The following BAZ1A variants were observed in gnomAD, a reference collection of about 807,000 sequenced individuals.
BAZ1A encodes the protein bromodomain adjacent to zinc finger domain protein 1A.
Under a neutral mutation model 185.2 loss-of-function variants are expected in BAZ1A, and 50 were observed. The ratio of observed to expected loss-of-function variants is 0.27; its 90% confidence interval spans 0.22 to 0.34. The LOEUF (loss-of-function observed/expected upper bound fraction) is 0.34, where lower values mean the gene tolerates loss of function less well. BAZ1A is among the 10% of genes least tolerant of loss of function. BAZ1A has a pLI of 1.00. For synonymous variants in BAZ1A, 571 were observed against 615.6 expected (o/e 0.93, Z 1.07); for missense variants, 1,356 against 1,839.9 (o/e 0.74, Z 4.81).
intron 3 of BAZ1A, among the ~76,000 whole-genome samples, chr14:34,847,236 T>TAA (rs5807798): frequency 6.2e-4 from 88 of 142,592 alleles, no homozygotes; most frequent in Non-Finnish European, 7.6e-4. Flanking sequence ...AGACTAGTCT[T>TAA]AAAAAAAAAA....
intron 6 of BAZ1A, among the ~76,000 whole-genome samples, chr14:34,803,685 T>C (rs1309005930): frequency 6.6e-6 from 1 of 152,168 alleles, no homozygotes; most frequent in Non-Finnish European, 1.5e-5. Flanking sequence ...ATATTTAACA[T>C]TAAAAATCTA....
rs780944021 is a variant in BAZ1A, at chr14:34,761,961, C to T, written c.4039G>A (p.Val1347Ile). The change falls in exon 24 of 27, where the codon GTA (valine) becomes ATA (isoleucine). Residue 1347 changes from valine to isoleucine, a missense_variant. By Grantham distance (29) the Val-to-Ile change is conservative. This residue lies in a region of BAZ1A where 309 missense variants were observed against 355.3 expected (regional missense o/e 0.87). Coordinates refer to ENST00000360310, the MANE Select transcript of BAZ1A (RefSeq NM_013448.3). ...CGAGGACTAAGCAATTCCACAAATA[C>T]ATCTGCTTGCAGTGGGCCATGACTG... The part of the protein sequence containing the change: ...RHSHGPLQAD[V>I]FVELLSPRRK... 2.5e-6 allele frequency: 4 copies of T among 1,614,210 alleles called. No individual in the cohort carries two copies. The South Asian group carries it at 3.3e-5, about 13-fold the overall frequency.
chr14:34,783,368 C>CA, intron 15 of BAZ1A, 136 bp from the exon 16 acceptor site: 1 of 369,162 alleles, frequency 2.7e-6, no homozygotes, highest in Non-Finnish European at 4.7e-6. Context: ...CATTCATAAG[C>CA]TTTTTTTTTT....
chr14:34,862,419 C>CT (rs2042783330), intron 2 of BAZ1A, 97 bp from the exon 3 acceptor site: 3 of 1,397,080 alleles, frequency 2.1e-6, no homozygotes, highest in Non-Finnish European at 2.8e-6. Context: ...ATTTTTGTGC[C>CT]TTTAATGCAA....
rs949876523 is a variant in BAZ1A, at chr14:34,783,154, ATCT to A, written c.2073_2075del (p.Glu691del). 5.0e-6 allele frequency: 8 copies of A among 1,607,828 alleles called. No individual in the cohort carries two copies. The highest frequency in any genetic ancestry group is 6.0e-6 in the Non-Finnish European group (7 of 1,176,112). ...TATCTGCCGTTGAATTTCTTTGCTCATCTTCTTTCAGTTTTTCTTGTTTCTCTT... is the reference window on the plus strand; with the variant it reads ...TATCTGCCGTTGAATTTCTTTGCTCATCTTTCAGTTTTTCTTGTTTCTCTT... On this transcript the variant is annotated inframe_deletion, in exon 16 of 27. Transcript: ENST00000360310.
intron 11 of BAZ1A, among the ~76,000 whole-genome samples, chr14:34,793,356 CATAA>C (rs1401208788): frequency 1.3e-5 from 2 of 152,176 alleles, no homozygotes; most frequent in Non-Finnish European, 2.9e-5. Context: ...ATGTCTAAGT[CATAA>C]ATAAATGTTT....
intron 5 of BAZ1A, among the ~76,000 whole-genome samples, chr14:34,807,976 G>A (rs1179057270): frequency 3.3e-5 from 5 of 151,748 alleles, no homozygotes; most frequent in South Asian, 2.1e-4. Flanking sequence ...GTGGTGGCGC[G>A]TGCCTGTAGT....
chr14:34,776,115 A>G lies in BAZ1A; in HGVS notation c.2637T>C (p.Ser879=). 6.2e-7 allele frequency: 1 copy of G among 1,614,264 alleles called. No individual in the cohort carries two copies. Among genetic ancestry groups the G allele is most frequent in the African/African-American group, 1.3e-5 (1 of 75,074 alleles). The change falls in exon 18 of 27, where the codon TCT becomes TCC. Residue 879 remains serine (S), a synonymous_variant. Transcript: ENST00000360310. ...TATGCACTGGTTTTGGCAGCTGCAC[A>G]GAATGGTCACGTGGACCTTGGTCAA... ...SNIDQGPRDH[S]VQLPKPVHKP...
intron 2 of BAZ1A, among the ~76,000 whole-genome samples, chr14:34,862,762 TATG>T (rs2042789028): frequency 6.8e-6 from 1 of 147,324 alleles, no homozygotes; most frequent in African/African-American, 2.5e-5. Flanking sequence ...CTTGAAACTA[TATG>T]ATGATCTCAT....
At position 34,874,368 on chromosome 14, in the gene BAZ1A, G is replaced by A; in HGVS notation, c.113+124C>T. 1 of 938,404 alleles carries A rather than the reference G, an allele frequency of 1.1e-6. No individual in the cohort carries two copies. Among genetic ancestry groups the A allele is most frequent in the South Asian group, 1.4e-5 (1 of 70,034 alleles). The allele number at this position is 938,404 out of a possible 1,614,324, so 58.1% of individuals were successfully genotyped here. On this transcript the variant is annotated intron_variant, in intron 2 of 26. Coordinates refer to ENST00000360310, the MANE Select transcript of BAZ1A (RefSeq NM_013448.3). The surrounding 1 kb of genome is among the most constrained non-coding windows in gnomAD (Gnocchi z 4.7). ...GGAGGCAGAGAACCGCGGGCCCGGG[G>A]GCCACCCGTCACTTTCAAGTCGCCC... is the stretch of plus-strand genomic sequence containing the variant.
At chr14:34,776,586 GT>G in intron 17 of BAZ1A, 71 bp from the exon 18 acceptor site, 1 of 1,278,828 alleles carries the variant, frequency 7.8e-7, no homozygotes. Flanking sequence ...GAGATACAAA[GT>G]TACCCCAAGT....
intron 17 of BAZ1A, 141 bp downstream of exon 17, chr14:34,780,045 A>T: frequency 9.7e-7 from 1 of 1,027,952 alleles, no homozygotes; most frequent in Admixed American, 2.3e-5. Context: ...CACAGCTATG[A>T]GGTGGGCATT....
At chr14:34,832,191 T>TACACACACACACACACACACACAC (rs57379319) in intron 3 of BAZ1A, among the ~76,000 whole-genome samples, 2 of 96,562 alleles carry the variant, frequency 2.1e-5, no homozygotes, top group African/African-American at 7.2e-5. Flanking sequence ...TATATACATA[T>TACACACACACACACACACACACAC]ACACACACAC....
chr14:34,856,231 A>G lies in BAZ1A; in HGVS notation c.392+5813T>C, dbSNP rs151330927. The stretch of plus-strand genomic sequence containing the variant: ...ATGCTCTTGAGTTACCTTATTCACA[A>G]CTTTAATATTTAGCAAGTCTGCATG... On this transcript the variant is annotated intron_variant, in intron 3 of 26. Coordinates refer to ENST00000360310, the MANE Select transcript of BAZ1A (RefSeq NM_013448.3). 3.8e-3 allele frequency among the ~76,000 whole-genome samples: 583 copies of G among 151,460 alleles called. 4 individuals carry two copies. Among genetic ancestry groups the G allele is most frequent in the African/African-American group, 0.014 (569 of 41,310 alleles).
chr14:34,848,083 A>G (rs1594899520), intron 3 of BAZ1A, among the ~76,000 whole-genome samples: 1 of 152,096 alleles, frequency 6.6e-6, no homozygotes, highest in Admixed American at 6.6e-5. Flanking sequence ...GCTGGTCTTG[A>G]ACTCCTGAGC....
At chr14:34,816,914 T>C (rs1243199971) in intron 4 of BAZ1A, 4 of 345,764 alleles carry the variant, frequency 1.2e-5, no homozygotes, top group East Asian at 1.8e-4. Flanking sequence ...TATTTACATA[T>C]AAATTTTCTT....
chr14:34,806,908 C>A (rs1881882601), intron 6 of BAZ1A, among the ~76,000 whole-genome samples: 1 of 151,428 alleles, frequency 6.6e-6, no homozygotes, highest in African/African-American at 2.4e-5. Context: ...CACCACCACA[C>A]CCAGCTAATT....
chr14:34,774,251 C>T, intron 19 of BAZ1A, 76 bp downstream of exon 19: 4 of 1,217,750 alleles, frequency 3.3e-6, no homozygotes, highest in Non-Finnish European at 3.4e-6. Context: ...CTTGTCTATG[C>T]CATATAATTA....
At chr14:34,782,390 C>T (rs1185051333) in intron 16 of BAZ1A, among the ~76,000 whole-genome samples, 2 of 152,104 alleles carry the variant, frequency 1.3e-5, no homozygotes, top group Non-Finnish European at 2.9e-5. Flanking sequence ...AAATCCATTG[C>T]TCACTTTTTA....
Sources: allele counts gnomAD v4.1 joint callset (sites outside exome capture counted in the v4.1 genomes callset), GRCh38; gene constraint gnomAD v4.1.1; regional missense constraint gnomAD v4.1.1; non-coding constraint Gnocchi (gnomAD v3.1); transcripts MANE v1.5; gene names NCBI Gene and HGNC (gene_info 2026-07-23, HGNC 2026-07-21).